Variants in RPH3A observed in about 807,000 individuals in gnomAD.
The protein encoded by RPH3A is rabphilin-3A.
RPH3A carries 48 observed loss-of-function variants against 102.2 expected under a neutral mutation model. That is an observed-to-expected ratio of 0.47 (90% CI 0.37 to 0.60). The LOEUF (loss-of-function observed/expected upper bound fraction) is 0.60, where lower values mean the gene tolerates loss of function less well. RPH3A is among the 20% of genes least tolerant of loss of function. The pLI is 0.00. For missense variants in RPH3A, 781 were observed against 910.1 expected (o/e 0.86, Z 1.83); for synonymous variants, 310 against 324.3 (o/e 0.96, Z 0.47).
chr12:112,746,748 T>C (rs2040749497), intron 1 of RPH3A, among the ~76,000 whole-genome samples: 1 of 152,190 alleles, frequency 6.6e-6, no homozygotes, highest in Admixed American at 6.5e-5. Context: ...TCTCTGTCTG[T>C]CTTGGGTCTG....
intron 1 of RPH3A, among the ~76,000 whole-genome samples, chr12:112,757,637 T>C (rs1169586523): frequency 6.6e-6 from 1 of 152,140 alleles, no homozygotes; most frequent in African/African-American, 2.4e-5. Flanking sequence ...CCCATAAATA[T>C]GTGCAATTAT....
At chr12:112,636,028 T>G (rs2039846607) in intron 1 of RPH3A, among the ~76,000 whole-genome samples, 1 of 152,272 alleles carries the variant, frequency 6.6e-6, no homozygotes, top group East Asian at 1.9e-4. Flanking sequence ...AAAATCAGTG[T>G]CTTAAACATG....
At chr12:112,670,919 G>A (rs1218536454) in intron 1 of RPH3A, among the ~76,000 whole-genome samples, 1 of 152,112 alleles carries the variant, frequency 6.6e-6, no homozygotes, top group Non-Finnish European at 1.5e-5. Context: ...GTTGATGTGA[G>A]GATCTGCAAA....
rs147926625 is a variant in RPH3A, at chr12:112,766,843, A to G, written c.-139-25300A>G. 8.7e-3 allele frequency among the ~76,000 whole-genome samples: 1,324 copies of G among 152,262 alleles called. 16 individuals are homozygous for G. The highest frequency in any genetic ancestry group is 0.03 in the African/African-American group (1,266 of 41,526). On this transcript the variant is annotated intron_variant, in intron 1 of 21. Transcript: ENST00000543106. Reference sequence around the variant, plus strand: ...TATGGAGCAGCATAGCTCAGTCTTTATATCCAAAATTCAAACCCCCAGCAG... The same window carrying G: ...TATGGAGCAGCATAGCTCAGTCTTTGTATCCAAAATTCAAACCCCCAGCAG...
At chr12:112,841,706 G>GTTTTTTTTTTT (rs150878418) in intron 4 of RPH3A, among the ~76,000 whole-genome samples, 4 of 145,066 alleles carry the variant, frequency 2.8e-5, no homozygotes, top group Admixed American at 6.8e-5. Flanking sequence ...TTGTTTTTTT[G>GTTTTTTTTTTT]GTTTTTTTTT....
intron 1 of RPH3A, among the ~76,000 whole-genome samples, chr12:112,760,328 G>T (rs1259665781): frequency 6.6e-6 from 1 of 152,190 alleles, no homozygotes; most frequent in Admixed American, 6.5e-5. Context: ...GTACAACCTT[G>T]TAGGGCATAG....
At chr12:112,676,392 C>A (rs2040174619) in intron 1 of RPH3A, among the ~76,000 whole-genome samples, 1 of 152,214 alleles carries the variant, frequency 6.6e-6, no homozygotes, top group African/African-American at 2.4e-5. Flanking sequence ...GGGCTCTTGG[C>A]CGAATCTGCT....
At chr12:112,806,162 A>G (rs1193218664) in intron 2 of RPH3A, among the ~76,000 whole-genome samples, 2 of 152,258 alleles carry the variant, frequency 1.3e-5, no homozygotes, top group African/African-American at 2.4e-5. Flanking sequence ...AGTAAAAGTC[A>G]CTTACTGCAA....
rs141437506 is a variant in RPH3A, at chr12:112,634,808, T to C, written c.-140+59489T>C. On this transcript the variant is annotated intron_variant, in intron 1 of 21. Transcript: ENST00000543106. ...GATGAGATCACGAAGAAAGTCTCAG[T>C]TGGGTGCTCGTGGAACTCTAACACT... Among the ~76,000 whole-genome samples, 419 of 152,308 alleles carry C rather than the reference T, an allele frequency of 2.8e-3. 3 individuals are homozygous for C. The highest frequency in any genetic ancestry group is 9.5e-3 in the African/African-American group (394 of 41,548).
chr12:112,661,338 T>G (rs184972820), intron 1 of RPH3A, among the ~76,000 whole-genome samples: 2 of 152,276 alleles, frequency 1.3e-5, no homozygotes, highest in East Asian at 3.9e-4. Context: ...ACTTGATAGA[T>G]GGCCTTGAGC....
chr12:112,672,622 C>T (rs944107382), intron 1 of RPH3A, among the ~76,000 whole-genome samples: 4 of 152,184 alleles, frequency 2.6e-5, no homozygotes, highest in East Asian at 1.9e-4. Context: ...CACCTCTGCA[C>T]GCTGAAGGCT....
At chr12:112,827,049 A>G (rs188635747) in intron 2 of RPH3A, among the ~76,000 whole-genome samples, 17 of 152,234 alleles carry the variant, frequency 1.1e-4, no homozygotes, top group Admixed American at 9.8e-4. Context: ...AAGTGGTGAC[A>G]CCATTTTTTT....
chr12:112,656,840 C>T (rs977416619), intron 1 of RPH3A, among the ~76,000 whole-genome samples: 1 of 151,610 alleles, frequency 6.6e-6, no homozygotes, highest in Admixed American at 6.6e-5. Flanking sequence ...TTTTCTTTAT[C>T]CAATTATCCA....
chr12:112,884,006 C>CATAT (rs34627189), intron 16 of RPH3A, among the ~76,000 whole-genome samples: 3 of 150,740 alleles, frequency 2.0e-5, no homozygotes, highest in African/African-American at 7.3e-5. Context: ...CACTTATTTC[C>CATAT]ATATATATAT....
chr12:112,775,765 A>G (rs1396871181), intron 1 of RPH3A, among the ~76,000 whole-genome samples: 1 of 152,222 alleles, frequency 6.6e-6, no homozygotes, highest in Non-Finnish European at 1.5e-5. Flanking sequence ...GCTAAAAGAT[A>G]AAGATAAAAA....
chr12:112,869,542 A>G (rs2042669435), intron 8 of RPH3A: 4 of 568,042 alleles, frequency 7.0e-6, no homozygotes, highest in African/African-American at 1.9e-5. Context: ...TGTTCTTTAT[A>G]AAGCCTGTGT....
intron 14 of RPH3A, among the ~76,000 whole-genome samples, 187 bp downstream of exon 14, chr12:112,879,385 G>C (rs903320564): frequency 2.0e-5 from 3 of 152,220 alleles, no homozygotes; most frequent in African/African-American, 7.2e-5. Flanking sequence ...TCCAGGGATC[G>C]TCCCAGAGGG....
intron 1 of RPH3A, among the ~76,000 whole-genome samples, chr12:112,762,190 G>A (rs574887012): frequency 6.0e-4 from 92 of 152,248 alleles, no homozygotes; most frequent in Non-Finnish European, 1.1e-3. Context: ...TAGATTATAA[G>A]CTACCTGAGG....
intron 21 of RPH3A, 31 bp downstream of exon 21, chr12:112,895,904 C>T: frequency 6.9e-7 from 1 of 1,439,468 alleles, no homozygotes; most frequent in South Asian, 1.1e-5. Context: ...AGAAAACGCC[C>T]TCTTCTGTCC....
Sources: allele counts gnomAD v4.1 joint callset (sites outside exome capture counted in the v4.1 genomes callset), GRCh38; gene constraint gnomAD v4.1.1; transcripts MANE v1.5; gene names NCBI Gene and HGNC (gene_info 2026-07-23, HGNC 2026-07-21).